L3MBTL4: variants seen among roughly 807,000 people sequenced by gnomAD.
L3MBTL4 encodes L3MBTL histone methyl-lysine binding protein 4.
Under a neutral mutation model 84.5 loss-of-function variants are expected in L3MBTL4, and 70 were observed. That is an observed-to-expected ratio of 0.83 (90% CI 0.68 to 1.01). The LOEUF is 1.01. Among genes scored for constraint, L3MBTL4 ranks in the 50% least tolerant of loss-of-function variants. The probability of loss-of-function intolerance (pLI) is 0.00; values close to 1 mark genes in which losing one functional copy is unlikely to be tolerated. For synonymous variants in L3MBTL4, 274 were observed against 259.8 expected (o/e 1.05, Z -0.52); for missense variants, 715 against 754.8 (o/e 0.95, Z 0.62).
At chr18:6,275,498 G>A (rs2049042257) in intron 4 of L3MBTL4, among the ~76,000 whole-genome samples, 1 of 152,272 alleles carries the variant, frequency 6.6e-6, no homozygotes, top group South Asian at 2.1e-4. Flanking sequence ...GGGCAAGTGG[G>A]AGGGTTTGCC....
intron 13 of L3MBTL4, among the ~76,000 whole-genome samples, chr18:6,158,363 A>G (rs537389627): frequency 6.6e-6 from 1 of 152,340 alleles, no homozygotes; most frequent in East Asian, 1.9e-4. Context: ...TTCAAGATGT[A>G]TTCTAAAGGG....
intron 10 of L3MBTL4, among the ~76,000 whole-genome samples, chr18:6,221,613 T>C (rs2046557370): frequency 6.6e-6 from 1 of 152,194 alleles, no homozygotes; most frequent in Admixed American, 6.5e-5. Flanking sequence ...TCAAAACTTC[T>C]AAAGAGCTAC....
At chr18:6,370,571 C>T (rs1469653405) in intron 1 of L3MBTL4, among the ~76,000 whole-genome samples, 1 of 152,174 alleles carries the variant, frequency 6.6e-6, no homozygotes, top group Non-Finnish European at 1.5e-5. Flanking sequence ...TACAGCAGGT[C>T]CCCCCTCCCA....
intron 16 of L3MBTL4, among the ~76,000 whole-genome samples, chr18:5,988,674 A>G (rs2053564523): frequency 6.6e-6 from 1 of 152,070 alleles, no homozygotes; most frequent in African/African-American, 2.4e-5. Flanking sequence ...ATTTAAAAAA[A>G]TCACTCTTTT....
At chr18:6,212,795 TC>T (rs1462190591) in intron 12 of L3MBTL4, among the ~76,000 whole-genome samples, 1 of 152,216 alleles carries the variant, frequency 6.6e-6, no homozygotes, top group Non-Finnish European at 1.5e-5. Context: ...CAGTCATGTC[TC>T]ATCTACAGAT....
At chr18:6,314,807 CA>C (rs2051010866) in intron 1 of L3MBTL4, among the ~76,000 whole-genome samples, 2 of 152,118 alleles carry the variant, frequency 1.3e-5, no homozygotes, top group Admixed American at 6.5e-5. Context: ...GTAATTCTTT[CA>C]AAAACATTTT....
At chr18:6,294,591 C>T (rs1486325926) in intron 4 of L3MBTL4, among the ~76,000 whole-genome samples, 4 of 152,152 alleles carry the variant, frequency 2.6e-5, no homozygotes, top group East Asian at 1.9e-4. Context: ...CAGCAGGAGA[C>T]GGTGTCTGGC....
chr18:6,128,688 C>T (rs770562650), intron 14 of L3MBTL4, among the ~76,000 whole-genome samples: 1 of 152,094 alleles, frequency 6.6e-6, no homozygotes, highest in Non-Finnish European at 1.5e-5. Context: ...AAAAGTAACT[C>T]CCTCGCACAA....
At chr18:6,142,727 C>T (rs920968960) in intron 13 of L3MBTL4, among the ~76,000 whole-genome samples, 12 of 152,074 alleles carry the variant, frequency 7.9e-5, no homozygotes, top group African/African-American at 2.9e-4. Flanking sequence ...TTGAAACCTG[C>T]CTGGGTAACA....
At chr18:6,099,063 G>C (rs941226454) in intron 14 of L3MBTL4, among the ~76,000 whole-genome samples, 5 of 152,194 alleles carry the variant, frequency 3.3e-5, no homozygotes, top group African/African-American at 4.8e-5. Context: ...CTCAGGTCCT[G>C]ATGGCAGCAG....
At chr18:6,347,288 T>C (rs769793083) in intron 1 of L3MBTL4, among the ~76,000 whole-genome samples, 5 of 151,954 alleles carry the variant, frequency 3.3e-5, no homozygotes, top group African/African-American at 7.2e-5. Flanking sequence ...CTAACAATAC[T>C]GTATTGTATG....
At chr18:6,150,223 T>C (rs1038294899) in intron 13 of L3MBTL4, among the ~76,000 whole-genome samples, 4 of 152,090 alleles carry the variant, frequency 2.6e-5, no homozygotes, top group Admixed American at 1.3e-4. Context: ...AATATGAAAG[T>C]TACCCATAAG....
Position 6,284,903 on chromosome 18 carries a change from G to A in L3MBTL4, c.127+17000C>T, listed in dbSNP as rs533716807. On this transcript the variant is annotated intron_variant, in intron 4 of 18. Coordinates refer to ENST00000317931, the MANE Select transcript of L3MBTL4 (RefSeq NM_001330559.2). Reference sequence around the variant, plus strand: ...GGGCAGTCGGAGCCCGGAACGGGGAGGGAAAACATCCACAAGTTGGGGAGT... The same window carrying A: ...GGGCAGTCGGAGCCCGGAACGGGGAAGGAAAACATCCACAAGTTGGGGAGT... Among the ~76,000 whole-genome samples the A allele has an allele frequency of 3.3e-5, 5 of 152,342 alleles. 1 individual carries two copies. Among genetic ancestry groups the A allele is most frequent in the African/African-American group, 9.6e-5 (4 of 41,594 alleles).
intron 12 of L3MBTL4, among the ~76,000 whole-genome samples, chr18:6,210,912 C>T (rs1363488407): frequency 6.6e-6 from 1 of 152,176 alleles, no homozygotes; most frequent in African/African-American, 2.4e-5. Context: ...GCACAGGGTA[C>T]TTGTATCAAC....
chr18:6,148,583 G>A (rs2042752759), intron 13 of L3MBTL4, among the ~76,000 whole-genome samples: 1 of 151,944 alleles, frequency 6.6e-6, no homozygotes, highest in Admixed American at 6.6e-5. Flanking sequence ...ACACCACCAT[G>A]CCCAGCTAAT....
intron 1 of L3MBTL4, among the ~76,000 whole-genome samples, chr18:6,368,983 A>G (rs2054046385): frequency 6.6e-6 from 1 of 151,594 alleles, no homozygotes; most frequent in Non-Finnish European, 1.5e-5. Context: ...TGGAGGCTGC[A>G]GTGAGCCGAG....
chr18:6,310,074 C>T (rs1228460120), intron 3 of L3MBTL4, among the ~76,000 whole-genome samples: 1 of 152,168 alleles, frequency 6.6e-6, no homozygotes, highest in African/African-American at 2.4e-5. Context: ...TAACAAACCT[C>T]CAGGTGATGC....
intron 16 of L3MBTL4, among the ~76,000 whole-genome samples, chr18:6,002,676 A>G (rs1336595944): frequency 6.6e-6 from 1 of 152,066 alleles, no homozygotes; most frequent in Non-Finnish European, 1.5e-5. Flanking sequence ...TCACAAAGAA[A>G]ATAAGTACAG....
intron 16 of L3MBTL4, among the ~76,000 whole-genome samples, chr18:5,974,296 C>G (rs566645261): frequency 2.0e-5 from 3 of 152,198 alleles, no homozygotes; most frequent in African/African-American, 7.2e-5. Context: ...AGCTCTGTGT[C>G]CAGCTGCAGG....
Sources: gnomAD v4.1 joint callset for allele counts (sites outside exome capture counted in the v4.1 genomes callset) on GRCh38, gnomAD v4.1.1 for gene constraint, MANE v1.5 for transcripts, NCBI Gene and HGNC (gene_info 2026-07-23, HGNC 2026-07-21) for gene names.